TNS3: variants seen among roughly 807,000 people sequenced by gnomAD.
TNS3 encodes the protein tensin-3.
A neutral mutation model predicts 140.9 loss-of-function variants in TNS3; 45 were observed. The ratio of observed to expected loss-of-function variants is 0.32; its 90% CI spans 0.25 to 0.41. The LOEUF (loss-of-function observed/expected upper bound fraction) is 0.41. TNS3 is among the 10% of genes least tolerant of loss of function. TNS3 has a pLI of 1.00. For synonymous variants in TNS3, 815 were observed against 788.4 expected (o/e 1.03, Z -0.56); for missense variants, 1,716 against 1,906.7 (o/e 0.90, Z 1.86).
intron 27 of TNS3, among the ~76,000 whole-genome samples, chr7:47,288,005 G>A (rs1241069380): frequency 1.3e-5 from 2 of 152,232 alleles, no homozygotes; most frequent in African/African-American, 4.8e-5. Context: ...CTAAAAACAA[G>A]TGCTATTAGG....
intron 13 of TNS3, among the ~76,000 whole-genome samples, chr7:47,409,634 C>T (rs1287073748): frequency 6.6e-6 from 1 of 152,046 alleles, no homozygotes; most frequent in Non-Finnish European, 1.5e-5. Flanking sequence ...CTACCAGCAT[C>T]GCCCCCAGCC....
At chr7:47,430,759 C>T (rs1301436770) in intron 8 of TNS3, among the ~76,000 whole-genome samples, 2 of 151,130 alleles carry the variant, frequency 1.3e-5, no homozygotes, top group Non-Finnish European at 2.9e-5. Flanking sequence ...CTCCCTCTGT[C>T]ATCCAGGTTA....
intron 3 of TNS3, among the ~76,000 whole-genome samples, chr7:47,489,140 T>C (rs1039660861): frequency 6.6e-6 from 1 of 152,114 alleles, no homozygotes; most frequent in Non-Finnish European, 1.5e-5. Flanking sequence ...TTTAGCCTGC[T>C]CTAATCCCCA....
chr7:47,344,566 C>T (rs1407565918), intron 20 of TNS3, among the ~76,000 whole-genome samples, 189 bp downstream of exon 20: 1 of 152,248 alleles, frequency 6.6e-6, no homozygotes, highest in Non-Finnish European at 1.5e-5. Flanking sequence ...GGCCAGGTTG[C>T]CACCACACAG....
At chr7:47,495,190 C>CAAAA (rs11353260) in intron 3 of TNS3, among the ~76,000 whole-genome samples, 16 of 79,596 alleles carry the variant, frequency 2.0e-4, no homozygotes, top group African/African-American at 3.1e-4. Flanking sequence ...GACTCCGTCT[C>CAAAA]AAAAAAAAAA....
intron 15 of TNS3, among the ~76,000 whole-genome samples, chr7:47,397,935 G>C (rs1050606232): frequency 1.3e-5 from 2 of 152,156 alleles, no homozygotes; most frequent in Non-Finnish European, 2.9e-5. Flanking sequence ...CCATTAGCTA[G>C]ATTAACCAAG....
At chr7:47,295,614 C>T (rs558450163) in intron 24 of TNS3, among the ~76,000 whole-genome samples, 1 of 152,260 alleles carries the variant, frequency 6.6e-6, no homozygotes, top group South Asian at 2.1e-4. Context: ...TACACAACGC[C>T]TTCTCTCTAC....
chr7:47,475,017 AACAC>A (rs1414328215), intron 4 of TNS3, among the ~76,000 whole-genome samples: 1 of 151,596 alleles, frequency 6.6e-6, no homozygotes, highest in African/African-American at 2.4e-5. Flanking sequence ...CGCAACACAC[AACAC>A]ACACACCTCA....
intron 16 of TNS3, among the ~76,000 whole-genome samples, chr7:47,390,368 A>G (rs11773319): frequency 0.9 from 136,786 of 152,286 alleles, 62,715 homozygotes; most frequent in Non-Finnish European, 0.99. Flanking sequence ...TGCAGCCAGC[A>G]CTTCCTGACC....
At chr7:47,522,230 G>C (rs775551506) in intron 2 of TNS3, among the ~76,000 whole-genome samples, 16 of 152,228 alleles carry the variant, frequency 1.1e-4, no homozygotes, top group Non-Finnish European at 2.2e-4. Flanking sequence ...AAGCCTCTGT[G>C]CATCAGCAGC....
chr7:47,546,257 C>T (rs1316177412), intron 1 of TNS3, among the ~76,000 whole-genome samples: 1 of 152,202 alleles, frequency 6.6e-6, no homozygotes, highest in Non-Finnish European at 1.5e-5. Context: ...GAGGCTCAGA[C>T]CTTAACCATC....
intron 3 of TNS3, among the ~76,000 whole-genome samples, chr7:47,487,738 T>C (rs1797664769): frequency 6.6e-6 from 1 of 151,860 alleles, no homozygotes; most frequent in Non-Finnish European, 1.5e-5. Flanking sequence ...TATGCACAAG[T>C]TCTATCATAC....
At chr7:47,577,043 G>A (rs926398639) in intron 1 of TNS3, among the ~76,000 whole-genome samples, 2 of 152,194 alleles carry the variant, frequency 1.3e-5, no homozygotes, top group Non-Finnish European at 2.9e-5. Context: ...ACACACAAGA[G>A]GTGCCACGTC....
rs1584787653 is a variant in TNS3 at position 47,506,887 on chromosome 7, G to A, written c.-115+20C>T. The stretch of plus-strand genomic sequence containing the variant: ...AAGTCAGCTATAAAAAGTCCCATGG[G>A]AAAGCAACGGAATGCTTACCTTGGC... On this transcript the variant is annotated intron_variant, in intron 3 of 30. Coordinates refer to ENST00000311160, the MANE Select transcript of TNS3 (RefSeq NM_022748.12). 1.6e-6 allele frequency: 2 copies of A among 1,288,662 alleles called. No homozygotes were observed. The highest frequency in any genetic ancestry group is 2.0e-6 in the Non-Finnish European group (2 of 988,270). 79.8% of individuals were successfully genotyped at this position (1,288,662 alleles called of 1,614,324 possible). A position where few individuals can be genotyped will look rare whatever the true frequency, so the allele number is the denominator to read the frequency against.
chr7:47,437,328 A>G lies in TNS3; in HGVS notation c.151-15T>C, dbSNP rs769501352. 5 of 1,342,532 alleles carry G rather than the reference A, an allele frequency of 3.7e-6. No homozygotes were observed. The highest frequency in any genetic ancestry group is 4.9e-6 in the Non-Finnish European group (5 of 1,028,886). 83.2% of individuals were successfully genotyped at this position (1,342,532 alleles called of 1,614,324 possible). On this transcript the variant is annotated splice_polypyrimidine_tract_variant and intron_variant, in intron 6 of 30. Transcript: ENST00000311160. The stretch of plus-strand genomic sequence containing the variant: ...AGGTTTAATACCTATAAAAGAGAGG[A>G]AAAATTGCCTTGCATAAAATAGATT...
At chr7:47,531,772 A>G (rs7786087) in intron 1 of TNS3, among the ~76,000 whole-genome samples, 95,170 of 152,078 alleles carry the variant, frequency 0.63, 30,469 homozygotes, top group African/African-American at 0.75. Flanking sequence ...TGGGAGCTCC[A>G]CCCCTTCTGA....
intron 20 of TNS3, among the ~76,000 whole-genome samples, chr7:47,325,867 C>G (rs1176796589): frequency 1.3e-5 from 2 of 152,032 alleles, no homozygotes; most frequent in Non-Finnish European, 2.9e-5. Flanking sequence ...TTTTTAAAGA[C>G]AGGGAAGTGG....
At chr7:47,402,270 C>A (rs767176374) in intron 13 of TNS3, among the ~76,000 whole-genome samples, 4 of 152,212 alleles carry the variant, frequency 2.6e-5, no homozygotes, top group Admixed American at 6.5e-5. Flanking sequence ...GAAGGATGTT[C>A]CCTGTTGACA....
intron 11 of TNS3, among the ~76,000 whole-genome samples, chr7:47,414,424 A>G (rs115776549): frequency 0.014 from 2,180 of 152,268 alleles, 56 homozygotes; most frequent in African/African-American, 0.05. Context: ...GTGCCTGCAT[A>G]GGACTGGGAA....
Sources: allele counts gnomAD v4.1 joint callset (sites outside exome capture counted in the v4.1 genomes callset), GRCh38; gene constraint gnomAD v4.1.1; transcripts MANE v1.5; gene names NCBI Gene and HGNC (gene_info 2026-07-23, HGNC 2026-07-21).